NBAS: variants seen among roughly 807,000 people sequenced by gnomAD.
NBAS encodes the protein NBAS subunit of NRZ tethering complex, also known as NAG/BC035112 fusion.
A neutral mutation model predicts 302.5 loss-of-function variants in NBAS; 219 were observed. The ratio of observed to expected loss-of-function variants is 0.72; its 90% confidence interval spans 0.65 to 0.81. The LOEUF (loss-of-function observed/expected upper bound fraction) is 0.81, where lower values mean the gene tolerates loss of function less well. Ranked by LOEUF, NBAS falls within the 30% of genes least tolerant of loss-of-function variation. The probability of loss-of-function intolerance (pLI) is 0.00; values close to 1 mark genes in which losing one functional copy is unlikely to be tolerated. For synonymous variants in NBAS, 1,118 were observed against 1,021.6 expected (o/e 1.09, Z -1.80); for missense variants, 2,932 against 2,841.6 (o/e 1.03, Z -0.72).
chr2:15,069,255 G>C, the NBAS span, among the ~76,000 whole-genome samples: 1 of 152,210 alleles, frequency 6.6e-6, no homozygotes, highest in Non-Finnish European at 1.5e-5. Flanking sequence ...GCCTCTTTAA[G>C]TCTGACTTGT....
the NBAS span, among the ~76,000 whole-genome samples, chr2:14,879,927 A>G: frequency 2.0e-5 from 3 of 152,206 alleles, no homozygotes; most frequent in East Asian, 5.8e-4. Context: ...TGTCTAAGAC[A>G]GGGTAGACTA....
At chr2:15,396,589 A>G (rs1675878178) in intron 26 of NBAS, 114 bp from the exon 27 acceptor site, 1 of 644,842 alleles carries the variant, frequency 1.6e-6, no homozygotes, top group East Asian at 2.8e-5. Flanking sequence ...TGTAATGTAT[A>G]ACAATATTAT....
chr2:14,787,450 T>C, the NBAS span, among the ~76,000 whole-genome samples: 6 of 152,244 alleles, frequency 3.9e-5, no homozygotes, highest in African/African-American at 1.4e-4. Flanking sequence ...GATTTTGCAG[T>C]GGCTGGTACC....
At chr2:15,126,199 T>C in the NBAS span, among the ~76,000 whole-genome samples, 1 of 152,126 alleles carries the variant, frequency 6.6e-6, no homozygotes, top group African/African-American at 2.4e-5. Context: ...TATTTCTCAC[T>C]CCTGCTCTCC....
At chr2:14,869,112 A>C in the NBAS span, among the ~76,000 whole-genome samples, 1 of 152,228 alleles carries the variant, frequency 6.6e-6, no homozygotes, top group East Asian at 1.9e-4. Flanking sequence ...AAATGAAATA[A>C]ATAAGCAAGT....
chr2:15,112,712 T>A, the NBAS span, among the ~76,000 whole-genome samples: 1 of 151,970 alleles, frequency 6.6e-6, no homozygotes, highest in Non-Finnish European at 1.5e-5. Flanking sequence ...ATTCCAAAAG[T>A]AAGTGGAGTA....
the NBAS span, among the ~76,000 whole-genome samples, chr2:15,050,784 C>T: frequency 1.4e-4 from 21 of 152,278 alleles, no homozygotes; most frequent in East Asian, 5.8e-4. Flanking sequence ...CTAATCTGCA[C>T]GCTTGAGCAA....
chr2:15,212,467 G>A (rs1666456836), intron 48 of NBAS, among the ~76,000 whole-genome samples: 2 of 152,148 alleles, frequency 1.3e-5, no homozygotes, highest in African/African-American at 4.8e-5. Context: ...CTCAGTTTCA[G>A]TATCACCTCT....
At chr2:15,002,357 CAG>C in the NBAS span, among the ~76,000 whole-genome samples, 4 of 152,158 alleles carry the variant, frequency 2.6e-5, no homozygotes, top group African/African-American at 7.2e-5. Context: ...GAGCTAGACA[CAG>C]GGGGTTGATT....
the NBAS span, among the ~76,000 whole-genome samples, chr2:14,964,251 C>A: frequency 6.6e-6 from 1 of 152,242 alleles, no homozygotes; most frequent in South Asian, 2.1e-4. Flanking sequence ...TTAGAAAAGA[C>A]ATTAAAACAA....
the NBAS span, among the ~76,000 whole-genome samples, chr2:14,883,433 T>C: frequency 6.6e-6 from 1 of 152,126 alleles, no homozygotes; most frequent in African/African-American, 2.4e-5. Flanking sequence ...CTGGACAATA[T>C]ACAAGAAAAT....
the NBAS span, among the ~76,000 whole-genome samples, chr2:15,125,545 A>G: frequency 1.2e-4 from 19 of 152,180 alleles, no homozygotes; most frequent in Non-Finnish European, 2.6e-4. Flanking sequence ...ACAACTGAAC[A>G]TGAGATTTGG....
At chr2:15,059,318 T>C in the NBAS span, among the ~76,000 whole-genome samples, 1 of 152,228 alleles carries the variant, frequency 6.6e-6, no homozygotes, top group African/African-American at 2.4e-5. Context: ...GTACAGTAAA[T>C]GTTCCTTGTT....
At chr2:15,241,159 T>G (rs1323115677) in intron 44 of NBAS, among the ~76,000 whole-genome samples, 1 of 152,158 alleles carries the variant, frequency 6.6e-6, no homozygotes, top group Non-Finnish European at 1.5e-5. Flanking sequence ...AATGACAAAA[T>G]CAAGACTGAA....
In NBAS at chr2:15,536,482, C is replaced by T. The variant is rs572530248; in HGVS notation, c.583G>A (p.Ala195Thr). Reference protein sequence around the residue: ...GLIFLEYKASAQWSAELLVIN... With the variant: ...GLIFLEYKASTQWSAELLVIN... The stretch of plus-strand genomic sequence containing the variant: ...ACCAGGAGTTCTGCAGACCACTGTG[C>T]ACTTGCTTTATATTCTAAAAATATC... The change falls in exon 8 of 52, where the codon GCA (alanine) becomes ACA (threonine). Residue 195 changes from alanine (A) to threonine (T), a missense_variant. Ala to Thr is a moderately conservative substitution (Grantham distance 58). Coordinates refer to ENST00000281513, the MANE Select transcript of NBAS (RefSeq NM_015909.4). 4 of 1,613,106 alleles carry T rather than the reference C, an allele frequency of 2.5e-6. No individual in the cohort carries two copies. The Admixed American group carries it at 5.0e-5, about 20-fold the overall frequency.
At chr2:14,838,566 G>A in the NBAS span, among the ~76,000 whole-genome samples, 1 of 151,888 alleles carries the variant, frequency 6.6e-6, no homozygotes, top group Middle Eastern at 3.2e-3. Context: ...ATTGTCTATT[G>A]CTTTGACTAA....
At chr2:14,818,734 G>C in the NBAS span, among the ~76,000 whole-genome samples, 14 of 152,236 alleles carry the variant, frequency 9.2e-5, no homozygotes, top group Admixed American at 7.2e-4. Flanking sequence ...AGCAGCTAAC[G>C]GAGAAAAACG....
chr2:15,074,838 A>G, the NBAS span, among the ~76,000 whole-genome samples: 112 of 152,334 alleles, frequency 7.4e-4, no homozygotes, highest in Middle Eastern at 0.014. Flanking sequence ...ATATGGATAG[A>G]ATTAAATGTT....
the NBAS span, among the ~76,000 whole-genome samples, chr2:15,086,809 T>C: frequency 6.6e-6 from 1 of 152,112 alleles, no homozygotes; most frequent in East Asian, 1.9e-4. Context: ...AACAAAGGAG[T>C]GCCTAGATAT....
Sources: allele counts gnomAD v4.1 joint callset (sites outside exome capture counted in the v4.1 genomes callset), GRCh38; gene constraint gnomAD v4.1.1; transcripts MANE v1.5; gene names NCBI Gene and HGNC (gene_info 2026-07-23, HGNC 2026-07-21).